The following IQCB1 variants were observed in gnomAD, a reference collection of about 807,000 sequenced individuals.
IQCB1 encodes IQ calmodulin-binding motif-containing protein 1.
In IQCB1, 56 loss-of-function variants were observed where a neutral mutation model predicts 84.4. The observed-to-expected ratio is 0.66, with a 90% CI of 0.54 to 0.83. The LOEUF is 0.83. Ranked by LOEUF, IQCB1 falls within the 40% of genes least tolerant of loss-of-function variation. The pLI is 0.00. For synonymous variants in IQCB1, 210 were observed against 234.8 expected, an observed-to-expected ratio of 0.89 and a Z score of 0.96; for missense variants, 629 against 682.1, an observed-to-expected ratio of 0.92 and a Z score of 0.87.
chr3:121,792,744 A>C (rs530452480), intron 10 of IQCB1, among the ~76,000 whole-genome samples: 2 of 151,898 alleles, frequency 1.3e-5, no homozygotes, highest in South Asian at 4.1e-4. Context: ...TTGGATTCAT[A>C]TGTTTTACTT....
At chr3:121,773,064 T>C (rs1208743194) in intron 13 of IQCB1, among the ~76,000 whole-genome samples, 1 of 151,646 alleles carries the variant, frequency 6.6e-6, no homozygotes, top group East Asian at 1.9e-4. Flanking sequence ...GGCTCACGCC[T>C]GTAATCCCAG....
At chr3:121,821,016 G>C (rs1950256353) in intron 5 of IQCB1, among the ~76,000 whole-genome samples, 1 of 151,042 alleles carries the variant, frequency 6.6e-6, no homozygotes. Flanking sequence ...AAAGAGATAG[G>C]ATCTTGCTCT....
chr3:121,809,743 G>A (rs1378567114), intron 5 of IQCB1, among the ~76,000 whole-genome samples: 1 of 151,896 alleles, frequency 6.6e-6, no homozygotes, highest in Non-Finnish European at 1.5e-5. Context: ...GTCATTTATT[G>A]GCCATGTAAC....
At chr3:121,789,107 G>A (rs564676963) in intron 11 of IQCB1, among the ~76,000 whole-genome samples, 11 of 152,322 alleles carry the variant, frequency 7.2e-5, no homozygotes, top group Admixed American at 2.0e-4. Flanking sequence ...TGAGGGGTAA[G>A]ATAATGACTT....
rs1949759752 is a variant in IQCB1, at chr3:121,809,901, C to A, written c.394-892G>T. Among the ~76,000 whole-genome samples, 7 of 151,210 alleles carry A rather than the reference C, an allele frequency of 4.6e-5. No individual in the cohort carries two copies. In the South Asian group the frequency reaches 1.5e-3, roughly 32 times the overall value. On this transcript the variant is annotated intron_variant, in intron 5 of 14. Transcript: ENST00000310864. ...AATGAAAGTATTTTTTTCCTAATAT[C>A]CTAGGAATATTCTAGGACAAGTGCT... is the stretch of plus-strand genomic sequence containing the variant.
intron 13 of IQCB1, among the ~76,000 whole-genome samples, chr3:121,773,331 A>AT (rs1233204273): frequency 1.3e-4 from 20 of 151,138 alleles, no homozygotes; most frequent in African/African-American, 4.9e-4. Flanking sequence ...AAAAAAAAAA[A>AT]AAAAAGACAC....
intron 2 of IQCB1, among the ~76,000 whole-genome samples, chr3:121,833,234 T>G (rs1276404720): frequency 6.6e-6 from 1 of 152,188 alleles, no homozygotes; most frequent in African/African-American, 2.4e-5. Flanking sequence ...TTTAAGACCA[T>G]CTTTGCTGGC....
chr3:121,784,889 G>C (rs1404847616), intron 12 of IQCB1, among the ~76,000 whole-genome samples: 1 of 152,058 alleles, frequency 6.6e-6, no homozygotes, highest in Non-Finnish European at 1.5e-5. Context: ...TCCTAAGCTG[G>C]TCTCAAACTC....
rs569996040 is a variant in IQCB1 at position 121,826,197 on chromosome 3, A to G, written c.264-17T>C. 2 of 1,613,210 alleles carry G rather than the reference A, an allele frequency of 1.2e-6. No individual in the cohort carries two copies. The highest frequency in any genetic ancestry group is 2.2e-5 in the East Asian group (1 of 44,856). On this transcript the variant is annotated splice_polypyrimidine_tract_variant and intron_variant, in intron 4 of 14. Coordinates refer to ENST00000310864, the MANE Select transcript of IQCB1 (RefSeq NM_001023570.4). ...CAGCAATGGCTGAAATAAGAGCACAAGTTCGTGTTAATTAGAAGTTTATGT... is the reference window on the plus strand; with the variant it reads ...CAGCAATGGCTGAAATAAGAGCACAGGTTCGTGTTAATTAGAAGTTTATGT...
intron 5 of IQCB1, among the ~76,000 whole-genome samples, chr3:121,824,487 T>G (rs573479494): frequency 6.6e-6 from 1 of 152,154 alleles, no homozygotes; most frequent in Non-Finnish European, 1.5e-5. Context: ...AAGTGTATCA[T>G]GTAAACACTA....
chr3:121,799,676 A>C (rs1949332565), intron 7 of IQCB1, among the ~76,000 whole-genome samples: 1 of 151,890 alleles, frequency 6.6e-6, no homozygotes, highest in South Asian at 2.1e-4. Context: ...TAAATGTGCA[A>C]AATACTAAAC....
chr3:121,817,699 G>C (rs886643439), intron 5 of IQCB1, among the ~76,000 whole-genome samples: 2 of 151,942 alleles, frequency 1.3e-5, no homozygotes, highest in African/African-American at 4.8e-5. Context: ...ATATAACCTG[G>C]TGATCATTAT....
chr3:121,799,403 C>A, intron 7 of IQCB1, 29 bp from the exon 8 acceptor site: 2 of 1,328,906 alleles, frequency 1.5e-6, no homozygotes, highest in Non-Finnish European at 2.1e-6. Context: ...AAAAAAAGTA[C>A]CATTACTAAT....
intron 12 of IQCB1, among the ~76,000 whole-genome samples, chr3:121,783,061 C>G (rs1319972332): frequency 6.6e-6 from 1 of 152,202 alleles, no homozygotes; most frequent in Non-Finnish European, 1.5e-5. Context: ...ACTACATGAC[C>G]TGCAAAGCCT....
intron 2 of IQCB1, among the ~76,000 whole-genome samples, chr3:121,831,806 G>T (rs941158004): frequency 6.6e-6 from 1 of 152,172 alleles, no homozygotes; most frequent in Admixed American, 6.5e-5. Context: ...ATCATTAAAA[G>T]ACAGGTTTGC....
At chr3:121,833,714 A>ACAGGC (rs1465473000) in intron 2 of IQCB1, among the ~76,000 whole-genome samples, 2 of 152,214 alleles carry the variant, frequency 1.3e-5, no homozygotes, top group Non-Finnish European at 2.9e-5. Flanking sequence ...AGATAAGAAT[A>ACAGGC]CAGGCCATAA....
chr3:121,805,262 AATCT>A (rs1431363602), intron 7 of IQCB1, among the ~76,000 whole-genome samples: 1 of 152,180 alleles, frequency 6.6e-6, no homozygotes, highest in Non-Finnish European at 1.5e-5. Flanking sequence ...ATGACTGTAT[AATCT>A]ATCATGTATC....
At chr3:121,773,125 C>T (rs886222615) in intron 13 of IQCB1, among the ~76,000 whole-genome samples, 1 of 151,946 alleles carries the variant, frequency 6.6e-6, no homozygotes, top group Non-Finnish European at 1.5e-5. Context: ...GAGTTCAAGA[C>T]CAGCCTGGCC....
chr3:121,825,094 C>T (rs1277136218), intron 5 of IQCB1, among the ~76,000 whole-genome samples: 3 of 130,866 alleles, frequency 2.3e-5, no homozygotes, highest in Non-Finnish European at 4.8e-5. Context: ...GAGTTTTGCT[C>T]TTGTTGCCCA....
Sources: allele counts gnomAD v4.1 joint callset (sites outside exome capture counted in the v4.1 genomes callset), GRCh38; gene constraint gnomAD v4.1.1; transcripts MANE v1.5; gene names NCBI Gene and HGNC (gene_info 2026-07-23, HGNC 2026-07-21).